The following GALNT17 variants were observed in gnomAD, a reference collection of about 807,000 sequenced individuals.
GALNT17 encodes UDP-GalNAc:polypeptide N-acetylgalactosaminyltransferase-like 3.
GALNT17 carries 29 observed loss-of-function variants against 63.7 expected under a neutral mutation model. That is an observed-to-expected ratio of 0.46 (90% CI 0.34 to 0.62). The LOEUF (loss-of-function observed/expected upper bound fraction) is 0.62. GALNT17 is among the 20% of genes least tolerant of loss of function. The probability of loss-of-function intolerance (pLI) is 0.01; values close to 1 mark genes in which losing one functional copy is unlikely to be tolerated. For synonymous variants in GALNT17, 305 were observed against 318.3 expected, an observed-to-expected ratio of 0.96 and a Z score of 0.45; for missense variants, 603 against 799.6, an observed-to-expected ratio of 0.75 and a Z score of 2.97.
At chr7:71,173,035 A>C (rs1788573006) in intron 1 of GALNT17, among the ~76,000 whole-genome samples, 1 of 152,208 alleles carries the variant, frequency 6.6e-6, no homozygotes, top group African/African-American at 2.4e-5. Flanking sequence ...TGCTATCCTG[A>C]TTATGATTGC....
intron 5 of GALNT17, among the ~76,000 whole-genome samples, chr7:71,551,757 C>T (rs1218177610): frequency 8.3e-6 from 1 of 120,518 alleles, no homozygotes; most frequent in Non-Finnish European, 1.7e-5. Context: ...GACCCTGTCT[C>T]AAAAAAAAAA....
intron 9 of GALNT17, among the ~76,000 whole-genome samples, chr7:71,679,320 C>T (rs1791200640): frequency 6.6e-6 from 1 of 152,088 alleles, no homozygotes; most frequent in African/African-American, 2.4e-5. Context: ...ATCACTTGAA[C>T]CCAGGACTTC....
At chr7:71,159,358 C>T (rs1054368664) in intron 1 of GALNT17, among the ~76,000 whole-genome samples, 4 of 151,404 alleles carry the variant, frequency 2.6e-5, no homozygotes, top group South Asian at 2.1e-4. Context: ...TATGATAAGC[C>T]GAAGCTTTCT....
intron 1 of GALNT17, among the ~76,000 whole-genome samples, chr7:71,296,187 G>A (rs1402223081): frequency 2.6e-5 from 4 of 152,066 alleles, no homozygotes; most frequent in Non-Finnish European, 4.4e-5. Context: ...CATTTAAAAA[G>A]CAGTTCTTGA....
At chr7:71,517,296 C>T (rs1168192676) in intron 5 of GALNT17, among the ~76,000 whole-genome samples, 1 of 152,160 alleles carries the variant, frequency 6.6e-6, no homozygotes, top group Non-Finnish European at 1.5e-5. Flanking sequence ...CTTCTTCTTA[C>T]AGGATACTAA....
chr7:71,464,188 A>G (rs968375497), intron 5 of GALNT17, among the ~76,000 whole-genome samples: 5 of 152,206 alleles, frequency 3.3e-5, no homozygotes, highest in Non-Finnish European at 7.3e-5. Flanking sequence ...TTCTTGTTAA[A>G]TGGACCTAAC....
chr7:71,458,872 G>T (rs1344928385), intron 5 of GALNT17, among the ~76,000 whole-genome samples: 1 of 152,022 alleles, frequency 6.6e-6, no homozygotes, highest in African/African-American at 2.4e-5. Context: ...GGGGTTCGGG[G>T]TTTATATGGG....
At chr7:71,612,570 T>G (rs921720956) in intron 6 of GALNT17, among the ~76,000 whole-genome samples, 3 of 152,200 alleles carry the variant, frequency 2.0e-5, no homozygotes, top group Non-Finnish European at 2.9e-5. Flanking sequence ...TGCTGTTGTA[T>G]TAATAGGCTG....
chr7:71,465,177 A>G (rs918062006), intron 5 of GALNT17, among the ~76,000 whole-genome samples: 8 of 152,194 alleles, frequency 5.3e-5, no homozygotes, highest in African/African-American at 1.7e-4. Flanking sequence ...TCAGATCACA[A>G]TGCTCCTATA....
intron 6 of GALNT17, among the ~76,000 whole-genome samples, chr7:71,577,033 A>C (rs1789550570): frequency 1.3e-5 from 2 of 152,212 alleles, no homozygotes; most frequent in African/African-American, 4.8e-5. Flanking sequence ...ATGCAACCCT[A>C]AAAAAGATTG....
intron 2 of GALNT17, among the ~76,000 whole-genome samples, chr7:71,362,741 G>A (rs1042397912): frequency 1.3e-5 from 2 of 152,080 alleles, no homozygotes; most frequent in South Asian, 4.2e-4. Flanking sequence ...TACGGGAAAC[G>A]CTCCACCTAA....
chr7:71,351,670 A>T (rs1792190742), intron 2 of GALNT17, among the ~76,000 whole-genome samples: 1 of 152,048 alleles, frequency 6.6e-6, no homozygotes, highest in Admixed American at 6.6e-5. Context: ...GCAAGGAAGG[A>T]TTCTCCTCTA....
chr7:71,453,105 A>T (rs1787295532), intron 5 of GALNT17, among the ~76,000 whole-genome samples: 2 of 152,216 alleles, frequency 1.3e-5, no homozygotes, highest in Admixed American at 6.5e-5. Flanking sequence ...TCTCCAGGGC[A>T]TAAGTACCCT....
chr7:71,506,042 A>C (rs982378190), intron 5 of GALNT17, among the ~76,000 whole-genome samples: 1 of 152,154 alleles, frequency 6.6e-6, no homozygotes, highest in African/African-American at 2.4e-5. Context: ...TTGATACACA[A>C]GTTTCTTTCC....
chr7:71,152,486 C>G (rs1056014808), intron 1 of GALNT17, among the ~76,000 whole-genome samples: 4 of 152,158 alleles, frequency 2.6e-5, no homozygotes, highest in Non-Finnish European at 5.9e-5. Context: ...AGTCACTGAT[C>G]TGTAGTCCCT....
chr7:71,375,049 A>G (rs1792696018), intron 2 of GALNT17, among the ~76,000 whole-genome samples: 1 of 152,174 alleles, frequency 6.6e-6, no homozygotes, highest in African/African-American at 2.4e-5. Flanking sequence ...CATGTTGGCC[A>G]GGCTGGTCTT....
intron 1 of GALNT17, among the ~76,000 whole-genome samples, chr7:71,323,170 T>C (rs1574440): frequency 0.17 from 26,079 of 152,168 alleles, 2,474 homozygotes; most frequent in East Asian, 0.29. Flanking sequence ...ATCTGCATGA[T>C]TGATGTAGAA....
intron 5 of GALNT17, among the ~76,000 whole-genome samples, chr7:71,468,142 C>T (rs935265619): frequency 2.6e-4 from 39 of 152,070 alleles, no homozygotes; most frequent in African/African-American, 7.7e-4. Flanking sequence ...ATCCTCCTGC[C>T]GCAGTCTATA....
At chr7:71,396,884 G>A (rs1176155376) in intron 3 of GALNT17, among the ~76,000 whole-genome samples, 1 of 151,796 alleles carries the variant, frequency 6.6e-6, no homozygotes, top group Non-Finnish European at 1.5e-5. Flanking sequence ...ATTATAAATT[G>A]AATTGTTTTC....
Sources: allele counts gnomAD v4.1 joint callset (sites outside exome capture counted in the v4.1 genomes callset), GRCh38; gene constraint gnomAD v4.1.1; transcripts MANE v1.5; gene names NCBI Gene and HGNC (gene_info 2026-07-23, HGNC 2026-07-21).